Variants in NNT observed in about 807,000 individuals in gnomAD.
The protein encoded by NNT is nicotinamide nucleotide transhydrogenase.
A neutral mutation model predicts 104.8 loss-of-function variants in NNT; 50 were observed. The observed-to-expected ratio is 0.48, with a 90% CI of 0.38 to 0.60. NNT has a LOEUF of 0.60. Among genes scored for constraint, NNT ranks in the 20% least tolerant of loss-of-function variants. The pLI is 0.00. For synonymous variants in NNT, 461 were observed against 490.4 expected (o/e 0.94, Z 0.79); for missense variants, 1,131 against 1,330.7 (o/e 0.85, Z 2.33).
chr5:43,605,159 T>A (rs1003832383), intron 1 of NNT, among the ~76,000 whole-genome samples: 1 of 152,150 alleles, frequency 6.6e-6, no homozygotes, highest in African/African-American at 2.4e-5. Context: ...GATTTTAATA[T>A]CTAATAGGGG....
chr5:43,690,859 A>T (rs185591033), intron 19 of NNT, among the ~76,000 whole-genome samples: 2 of 152,340 alleles, frequency 1.3e-5, no homozygotes, highest in Admixed American at 1.3e-4. Context: ...CACAAAAAAG[A>T]AGACTGAAAT....
chr5:43,615,094 G>A (rs998933465), intron 3 of NNT, among the ~76,000 whole-genome samples: 4 of 151,840 alleles, frequency 2.6e-5, no homozygotes, highest in Non-Finnish European at 4.4e-5. Flanking sequence ...CCGAGATTGC[G>A]CCACTGCAGT....
intron 1 of NNT, 63 bp downstream of exon 1, chr5:43,603,357 AAG>A (rs923668072): frequency 1.3e-5 from 2 of 152,918 alleles, no homozygotes; most frequent in African/African-American, 4.8e-5. Context: ...GCAGCTGGGA[AAG>A]GGGCTCGGGC....
chr5:43,627,690 T>C (rs1390997675), intron 6 of NNT, among the ~76,000 whole-genome samples: 2 of 152,216 alleles, frequency 1.3e-5, no homozygotes, highest in Non-Finnish European at 2.9e-5. Flanking sequence ...CTACTATTTA[T>C]AGGTTACTTT....
Position 43,613,322 on chromosome 5 carries a change from A to G in NNT, c.381+185A>G, listed in dbSNP as rs1749601278. ...TCCAGTAAAACTTTTATCAGACAAT[A>G]TGATCTATGTTTAACCATGAGGAGA... On this transcript the variant is annotated intron_variant, in intron 3 of 21. Coordinates refer to ENST00000344920, the MANE Select transcript of NNT (RefSeq NM_182977.3). 14 of 571,190 alleles carry G rather than the reference A, an allele frequency of 2.5e-5. 1 individual carries two copies. The South Asian group carries it at 3.2e-4, about 13-fold the overall frequency. The allele number at this position is 571,190 out of a possible 1,614,324, so 35.4% of individuals were successfully genotyped here.
Position 43,609,412 on chromosome 5 carries a change from T to C in NNT, c.151+66T>C, listed in dbSNP as rs924386263. ...TCATAGGAACTAATAGATCTGATGA[T>C]TGATAAAAGGAAAAGCCATGTAGTT... On this transcript the variant is annotated intron_variant, in intron 2 of 21. Coordinates refer to ENST00000344920, the MANE Select transcript of NNT (RefSeq NM_182977.3). 1.2e-4 allele frequency: 178 copies of C among 1,507,706 alleles called. 4 individuals carry two copies. In the Admixed American group the frequency reaches 3.1e-3, roughly 27 times the overall value. 93.4% of individuals were successfully genotyped at this position (1,507,706 alleles called of 1,614,324 possible). A position where few individuals can be genotyped will look rare whatever the true frequency, so the allele number is the denominator to read the frequency against.
At chr5:43,615,150 C>CA (rs70997417) in intron 3 of NNT, among the ~76,000 whole-genome samples, 2,212 of 147,774 alleles carry the variant, frequency 0.015, 53 homozygotes, top group African/African-American at 0.051. Flanking sequence ...TCTCAAAAAA[C>CA]AAAAAAAAAT....
chr5:43,695,729 G>C (rs572741265), intron 19 of NNT, among the ~76,000 whole-genome samples: 1 of 152,278 alleles, frequency 6.6e-6, no homozygotes, highest in East Asian at 1.9e-4. Flanking sequence ...GAGGTTTAAT[G>C]GACTTGCAGC....
chr5:43,645,569 A>C (rs1436721609), intron 10 of NNT, 59 bp downstream of exon 10: 46 of 1,056,644 alleles, frequency 4.4e-5, no homozygotes, highest in Non-Finnish European at 5.7e-5. Flanking sequence ...AGTTATATAT[A>C]TATATATCTA....
intron 17 of NNT, among the ~76,000 whole-genome samples, chr5:43,660,886 G>A (rs1403647397): frequency 6.6e-6 from 1 of 152,154 alleles, no homozygotes; most frequent in Admixed American, 6.5e-5. Context: ...TGAGATTTGG[G>A]TAGGGACTCA....
intron 1 of NNT, among the ~76,000 whole-genome samples, chr5:43,607,612 C>T (rs984380800): frequency 7.2e-5 from 11 of 152,152 alleles, no homozygotes; most frequent in African/African-American, 1.9e-4. Flanking sequence ...TAACAACGCC[C>T]GGCTAATTTT....
At chr5:43,635,181 T>C (rs1291680152) in intron 7 of NNT, among the ~76,000 whole-genome samples, 1 of 152,218 alleles carries the variant, frequency 6.6e-6, no homozygotes, top group Non-Finnish European at 1.5e-5. Flanking sequence ...AACAGATTAA[T>C]CCAACAATGC....
At position 43,662,568 on chromosome 5, in the gene NNT, C is replaced by T. The variant is rs762252659; in HGVS notation, c.2634+3218C>T. ...ATCATATTGGGTCAGATTAATAATT[C>T]GGATTCAAGAACAGTTTAAGTTTTA... On this transcript the variant is annotated intron_variant, in intron 17 of 21. Transcript: ENST00000344920. Among the ~76,000 whole-genome samples, 7 of 151,998 alleles carry T rather than the reference C, an allele frequency of 4.6e-5. No homozygotes were observed. In the East Asian group the frequency reaches 5.8e-4, roughly 13 times the overall value.
At chr5:43,693,723 T>A (rs892641313) in intron 19 of NNT, among the ~76,000 whole-genome samples, 1 of 152,166 alleles carries the variant, frequency 6.6e-6, no homozygotes, top group Non-Finnish European at 1.5e-5. Flanking sequence ...AAAATTAACT[T>A]AAGTGTTGAA....
rs955687583 is a variant in NNT at position 43,691,431 on chromosome 5, C to G, written c.2877-8688C>G. 2.1e-4 allele frequency among the ~76,000 whole-genome samples: 32 copies of G among 152,062 alleles called. 1 individual carries two copies. The highest frequency in any genetic ancestry group is 2.1e-3 in the Admixed American group (32 of 15,270). On this transcript the variant is annotated intron_variant, in intron 19 of 21. Coordinates refer to ENST00000344920, the MANE Select transcript of NNT (RefSeq NM_182977.3). ...AGTGTGTTATTTTTTAAGTTGTTAG[C>G]TATTTTGTCTTTCTCTTGAACCTTA...
intron 19 of NNT, among the ~76,000 whole-genome samples, chr5:43,699,247 G>A (rs1404455294): frequency 1.3e-5 from 2 of 151,596 alleles, no homozygotes. Context: ...ATGCTCCTGT[G>A]TGTTCCCATC....
chr5:43,615,982 T>C lies in NNT; in HGVS notation c.516T>C (p.Thr172=). Residue 172 remains threonine (T), a synonymous_variant, in exon 4 of 22, where the codon ACT becomes ACC. Coordinates refer to ENST00000344920, the MANE Select transcript of NNT (RefSeq NM_182977.3). ...TAAATAAACTTTCCCAAAGAAAAAC[T>C]ACAGTTCTGGCAATGGACCAGGTTC... ...ELLNKLSQRK[T]TVLAMDQVPR... is the part of the protein sequence containing the mutation. 1 of 1,614,112 alleles carries C rather than the reference T, an allele frequency of 6.2e-7. No homozygotes were observed. Among genetic ancestry groups the C allele is most frequent in the Non-Finnish European group, 8.5e-7 (1 of 1,180,016 alleles).
At chr5:43,612,521 T>G (rs1027314029) in intron 2 of NNT, among the ~76,000 whole-genome samples, 39 of 152,308 alleles carry the variant, frequency 2.6e-4, no homozygotes, top group Admixed American at 7.2e-4. Flanking sequence ...AGCTAATTAC[T>G]TCCAATTTTG....
At chr5:43,636,135 G>A (rs1028845903) in intron 7 of NNT, among the ~76,000 whole-genome samples, 4 of 152,232 alleles carry the variant, frequency 2.6e-5, no homozygotes, top group Middle Eastern at 3.4e-3. Context: ...CTGAAATGTG[G>A]ATAAAAATTT....
Sources: allele counts gnomAD v4.1 joint callset (sites outside exome capture counted in the v4.1 genomes callset), GRCh38; gene constraint gnomAD v4.1.1; transcripts MANE v1.5; gene names NCBI Gene and HGNC (gene_info 2026-07-23, HGNC 2026-07-21).